GRIK2: variants seen among roughly 807,000 people sequenced by gnomAD.
The protein encoded by GRIK2 is glutamate ionotropic receptor kainate type subunit 2, also known as glutamate receptor ionotropic, kainate 2.
A neutral mutation model predicts 100.3 loss-of-function variants in GRIK2; 32 were observed. That is an observed-to-expected ratio of 0.32 (90% confidence interval 0.24 to 0.43). GRIK2 has a LOEUF of 0.43. Among genes scored for constraint, GRIK2 ranks in the 20% least tolerant of loss-of-function variants. The pLI is 1.00. For synonymous variants in GRIK2, 417 were observed against 389.4 expected (o/e 1.07, Z -0.83); for missense variants, 843 against 1,114.9 (o/e 0.76, Z 3.47).
chr6:101,543,996 C>T (rs564323410), intron 2 of GRIK2, among the ~76,000 whole-genome samples: 41 of 151,812 alleles, frequency 2.7e-4, no homozygotes, highest in East Asian at 3.9e-4. Flanking sequence ...CTCAGTGGGA[C>T]GCTGGTTGAG....
intron 7 of GRIK2, among the ~76,000 whole-genome samples, chr6:101,693,021 TTAAATC>T (rs1313090262): frequency 2.0e-5 from 3 of 152,116 alleles, no homozygotes; most frequent in Non-Finnish European, 2.9e-5. Context: ...AAGCTACAAG[TTAAATC>T]TAAATACAAA....
intron 7 of GRIK2, among the ~76,000 whole-genome samples, chr6:101,723,193 T>A (rs1774613198): frequency 6.6e-6 from 1 of 152,072 alleles, no homozygotes; most frequent in African/African-American, 2.4e-5. Context: ...TGGCCAGGGT[T>A]GATAAAAAGT....
intron 7 of GRIK2, among the ~76,000 whole-genome samples, chr6:101,772,041 A>T (rs1188053222): frequency 6.6e-6 from 1 of 152,146 alleles, no homozygotes; most frequent in African/African-American, 2.4e-5. Flanking sequence ...AGTACAGGAT[A>T]ATTTGTCTTC....
intron 12 of GRIK2, among the ~76,000 whole-genome samples, chr6:101,914,413 G>C (rs1439504367): frequency 6.6e-6 from 1 of 151,462 alleles, no homozygotes; most frequent in Non-Finnish European, 1.5e-5. Context: ...GAGCACTGGT[G>C]AGATACCAGT....
chr6:101,940,083 T>C (rs959754047), intron 14 of GRIK2, among the ~76,000 whole-genome samples: 9 of 152,110 alleles, frequency 5.9e-5, no homozygotes, highest in African/African-American at 2.2e-4. Context: ...AAAAAAATAA[T>C]TAACTTTCAG....
chr6:101,929,270 C>T (rs1293043060), intron 14 of GRIK2, among the ~76,000 whole-genome samples: 4 of 152,120 alleles, frequency 2.6e-5, no homozygotes, highest in Non-Finnish European at 5.9e-5. Flanking sequence ...TCTCTCTTCT[C>T]CTTACTCTTG....
intron 5 of GRIK2, among the ~76,000 whole-genome samples, chr6:101,678,826 CGTTT>C (rs1256940960): frequency 1.3e-4 from 20 of 152,214 alleles, no homozygotes; most frequent in African/African-American, 4.8e-4. Context: ...TACTCTTGTG[CGTTT>C]GTTTGTGTAA....
chr6:102,031,120 C>T (rs1017915140), intron 14 of GRIK2, among the ~76,000 whole-genome samples: 3 of 121,666 alleles, frequency 2.5e-5, no homozygotes, highest in African/African-American at 8.5e-5. Context: ...CACACACACA[C>T]ACACACACCC....
At chr6:101,527,171 C>T (rs1242184036) in intron 2 of GRIK2, among the ~76,000 whole-genome samples, 1 of 152,160 alleles carries the variant, frequency 6.6e-6, no homozygotes, top group East Asian at 1.9e-4. Flanking sequence ...AAACAATCTG[C>T]TCATCCTTTT....
At chr6:101,783,278 G>A (rs1779213206) in intron 7 of GRIK2, among the ~76,000 whole-genome samples, 1 of 152,034 alleles carries the variant, frequency 6.6e-6, no homozygotes, top group South Asian at 2.1e-4. Context: ...GTTCTCATGA[G>A]ATCTGATGAT....
At position 101,712,229 on chromosome 6, in the gene GRIK2, C is replaced by T. The variant is rs532481904; in HGVS notation, c.951+25876C>T. 7.2e-5 allele frequency among the ~76,000 whole-genome samples: 11 copies of T among 151,924 alleles called. No individual in the cohort carries two copies. The South Asian group carries it at 2.3e-3, about 31-fold the overall frequency. On this transcript the variant is annotated intron_variant, in intron 7 of 16. Coordinates refer to ENST00000369134, the MANE Select transcript of GRIK2 (RefSeq NM_021956.5). ...CATAGCTGACTGCTATCTTTTAGAA[C>T]CTTGCTACCCTGTGTGTGGTCCACT...
chr6:101,733,456 G>T (rs1315433988), intron 7 of GRIK2, among the ~76,000 whole-genome samples: 1 of 152,026 alleles, frequency 6.6e-6, no homozygotes, highest in Non-Finnish European at 1.5e-5. Context: ...TTTTTACTAT[G>T]TTCCTTTTAG....
intron 7 of GRIK2, among the ~76,000 whole-genome samples, chr6:101,730,181 C>T (rs1775161308): frequency 6.6e-6 from 1 of 151,838 alleles, no homozygotes; most frequent in Admixed American, 6.6e-5. Context: ...TGTCCAAATT[C>T]GAGGCAGTAA....
chr6:101,901,472 A>T (rs925220768), intron 12 of GRIK2, among the ~76,000 whole-genome samples: 2 of 150,498 alleles, frequency 1.3e-5, no homozygotes, highest in Non-Finnish European at 3.0e-5. Flanking sequence ...TTATAAAATG[A>T]TCAATAGATG....
At chr6:101,777,150 T>C (rs921033372) in intron 7 of GRIK2, among the ~76,000 whole-genome samples, 43 of 152,206 alleles carry the variant, frequency 2.8e-4, no homozygotes, top group Non-Finnish European at 2.5e-4. Context: ...GAAAGCATAA[T>C]GGCAGCTGCA....
chr6:101,869,929 A>G (rs1785288233), intron 11 of GRIK2, among the ~76,000 whole-genome samples: 1 of 151,870 alleles, frequency 6.6e-6, no homozygotes, highest in African/African-American at 2.4e-5. Context: ...TGGTTTTATT[A>G]TATCTGAAAG....
At chr6:101,439,778 A>G (rs1477833544) in intron 2 of GRIK2, among the ~76,000 whole-genome samples, 1 of 152,146 alleles carries the variant, frequency 6.6e-6, no homozygotes, top group African/African-American at 2.4e-5. Context: ...CCTATGATGT[A>G]ATTATTTTTA....
At chr6:101,958,820 A>C (rs1792106782) in intron 14 of GRIK2, among the ~76,000 whole-genome samples, 1 of 152,028 alleles carries the variant, frequency 6.6e-6, no homozygotes, top group African/African-American at 2.4e-5. Context: ...TTATGTGGTG[A>C]ATCACATTTA....
At chr6:101,982,751 C>T (rs139261033) in intron 14 of GRIK2, among the ~76,000 whole-genome samples, 1 of 151,140 alleles carries the variant, frequency 6.6e-6, no homozygotes, top group East Asian at 2.0e-4. Context: ...TAGACTACAG[C>T]AAAATGCTTC....
Sources: gnomAD v4.1 joint callset for allele counts (sites outside exome capture counted in the v4.1 genomes callset) on GRCh38, gnomAD v4.1.1 for gene constraint, MANE v1.5 for transcripts, NCBI Gene and HGNC (gene_info 2026-07-23, HGNC 2026-07-21) for gene names.